The following CABLES1 variants were observed in gnomAD, a reference collection of about 807,000 sequenced individuals.
CABLES1 encodes Cdk5 and Abl enzyme substrate 1, also known as CDK5 and ABL1 enzyme substrate 1.
A neutral mutation model predicts 57.8 loss-of-function variants in CABLES1; 36 were observed. The ratio of observed to expected loss-of-function variants is 0.62; its 90% confidence interval spans 0.48 to 0.82. The LOEUF is 0.82. Among genes scored for constraint, CABLES1 ranks in the 40% least tolerant of loss-of-function variants. The probability of loss-of-function intolerance (pLI) is 0.00; values close to 1 mark genes in which losing one functional copy is unlikely to be tolerated. For synonymous variants in CABLES1, 374 were observed against 363.0 expected (o/e 1.03, Z -0.35); for missense variants, 767 against 836.6 (o/e 0.92, Z 1.03).
chr18:23,168,304 C>T (rs2047057764), intron 1 of CABLES1, among the ~76,000 whole-genome samples: 1 of 152,222 alleles, frequency 6.6e-6, no homozygotes, highest in African/African-American at 2.4e-5. Context: ...GAAATTCTGA[C>T]ACATGCAGCA....
At chr18:23,135,160 C>T (rs1308246677), upstream of CABLES1, among the ~76,000 whole-genome samples, 1 of 150,484 alleles carries the variant, frequency 6.6e-6, no homozygotes, top group African/African-American at 2.5e-5. Flanking sequence ...ATTCCCAGTG[C>T]GAGCGCGCGG....
rs771718257 is a variant in CABLES1, at chr18:23,188,818, T to C, written c.846-20T>C. ...CTGCAATGCAGTTTTAACTCCCAGATTTTTTCCTTCTTTCTGCAGACGGCG... is the reference window on the plus strand; with the variant it reads ...CTGCAATGCAGTTTTAACTCCCAGACTTTTTCCTTCTTTCTGCAGACGGCG... On this transcript the variant is annotated intron_variant, in intron 1 of 9. Coordinates refer to ENST00000256925, the MANE Select transcript of CABLES1 (RefSeq NM_001100619.3). 5 of 1,603,896 alleles carry C rather than the reference T, an allele frequency of 3.1e-6. No homozygotes were observed. In the South Asian group the frequency reaches 5.5e-5, roughly 18 times the overall value.
chr18:23,180,588 C>T (rs1189269034), intron 1 of CABLES1, among the ~76,000 whole-genome samples: 5 of 152,156 alleles, frequency 3.3e-5, no homozygotes, highest in African/African-American at 1.2e-4. Context: ...GCGATCATAA[C>T]TCATTGCAAC....
intron 4 of CABLES1, among the ~76,000 whole-genome samples, chr18:23,228,958 G>T (rs1305843189): frequency 6.6e-6 from 1 of 152,068 alleles, no homozygotes; most frequent in Non-Finnish European, 1.5e-5. Context: ...TTCAGTTAGG[G>T]TGTCTGTAGA....
rs59922906 is a variant in CABLES1, at chr18:23,242,804, T to C, written c.1446+5559T>C. Among the ~76,000 whole-genome samples the C allele has an allele frequency of 7.9e-3, 1,209 of 152,282 alleles. 18 individuals are homozygous for C. The highest frequency in any genetic ancestry group is 0.028 in the African/African-American group (1,158 of 41,542). Reference sequence around the variant, plus strand: ...ATGCCTATTTTTTATTTACCGAATATTAAAATCTAAGTACTTGTAGAGAAA... The same window carrying C: ...ATGCCTATTTTTTATTTACCGAATACTAAAATCTAAGTACTTGTAGAGAAA... On this transcript the variant is annotated intron_variant, in intron 7 of 9. Coordinates refer to ENST00000256925, the MANE Select transcript of CABLES1 (RefSeq NM_001100619.3).
At chr18:23,177,987 C>T (rs562513168) in intron 1 of CABLES1, among the ~76,000 whole-genome samples, 6 of 152,256 alleles carry the variant, frequency 3.9e-5, no homozygotes, top group African/African-American at 1.4e-4. Flanking sequence ...GTAAGTTGGC[C>T]GCAAACTCCT....
intron 3 of CABLES1, among the ~76,000 whole-genome samples, chr18:23,211,058 A>T (rs920188645): frequency 1.3e-5 from 2 of 151,958 alleles, no homozygotes; most frequent in African/African-American, 4.8e-5. Flanking sequence ...TCTCCTAGAT[A>T]TAGTGGTGCG....
intron 7 of CABLES1, among the ~76,000 whole-genome samples, chr18:23,244,837 A>C (rs1002422432): frequency 5.9e-5 from 9 of 152,246 alleles, no homozygotes; most frequent in African/African-American, 2.2e-4. Flanking sequence ...GGCTGGCAGT[A>C]GGTCAGAGAA....
At chr18:23,159,227 A>C (rs2046986024) in intron 1 of CABLES1, among the ~76,000 whole-genome samples, 1 of 152,196 alleles carries the variant, frequency 6.6e-6, no homozygotes, top group African/African-American at 2.4e-5. Flanking sequence ...GGCCTCCCAA[A>C]GTTTTGGGAT....
chr18:23,190,332 C>T (rs879762314), intron 2 of CABLES1: 1 of 152,092 alleles, frequency 6.6e-6, no homozygotes, highest in Non-Finnish European at 1.5e-5. Flanking sequence ...GTTGAGAAGC[C>T]CCTGGAGTTT....
chr18:23,146,844 T>G (rs961739751), intron 1 of CABLES1, among the ~76,000 whole-genome samples: 3 of 152,198 alleles, frequency 2.0e-5, no homozygotes, highest in African/African-American at 7.2e-5. Flanking sequence ...AGCTGTACCA[T>G]TTTAAGAAAA....
At chr18:23,210,049 C>T (rs926486829) in intron 3 of CABLES1, among the ~76,000 whole-genome samples, 3 of 152,164 alleles carry the variant, frequency 2.0e-5, no homozygotes, top group Admixed American at 1.3e-4. Flanking sequence ...GGACGGTGCT[C>T]CGTTAGCTTC....
At chr18:23,157,346 G>A (rs916190194) in intron 1 of CABLES1, among the ~76,000 whole-genome samples, 5 of 152,190 alleles carry the variant, frequency 3.3e-5, no homozygotes, top group Admixed American at 6.5e-5. Context: ...AGGCGGGGGG[G>A]CGGTGGCTTC....
chr18:23,211,292 G>A (rs1323268255), intron 3 of CABLES1, among the ~76,000 whole-genome samples: 1 of 152,218 alleles, frequency 6.6e-6, no homozygotes, highest in Non-Finnish European at 1.5e-5. Context: ...AGTGGAGTTT[G>A]TTCAACACAT....
At chr18:23,205,015 A>G (rs2047352559) in intron 3 of CABLES1, among the ~76,000 whole-genome samples, 1 of 152,134 alleles carries the variant, frequency 6.6e-6, no homozygotes, top group African/African-American at 2.4e-5. Context: ...AGCCCAGAGG[A>G]GACATCAGTC....
At chr18:23,222,009 GT>G (rs1219237092) in intron 4 of CABLES1, among the ~76,000 whole-genome samples, 1 of 152,190 alleles carries the variant, frequency 6.6e-6, no homozygotes, top group East Asian at 1.9e-4. Flanking sequence ...ACAAGACAGT[GT>G]CTAGTGAGAC....
intron 1 of CABLES1, among the ~76,000 whole-genome samples, chr18:23,187,807 C>T (rs1164735580): frequency 1.3e-5 from 2 of 152,056 alleles, no homozygotes; most frequent in Admixed American, 1.3e-4. Flanking sequence ...AAAAGCCAAA[C>T]AAGCCAAAGG....
intron 2 of CABLES1, among the ~76,000 whole-genome samples, chr18:23,190,861 G>C (rs72874970): frequency 1.1e-3 from 160 of 152,158 alleles, no homozygotes; most frequent in Non-Finnish European, 2.0e-3. Context: ...AGATTGCTTA[G>C]TCTAGGAGTT....
At chr18:23,180,653 G>A (rs1398376198) in intron 1 of CABLES1, among the ~76,000 whole-genome samples, 1 of 152,168 alleles carries the variant, frequency 6.6e-6, no homozygotes. Flanking sequence ...GAGACTGCCG[G>A]TGCATGCCAC....
Sources: allele counts gnomAD v4.1 joint callset (sites outside exome capture counted in the v4.1 genomes callset), GRCh38; gene constraint gnomAD v4.1.1; transcripts MANE v1.5; gene names NCBI Gene and HGNC (gene_info 2026-07-23, HGNC 2026-07-21).